Variants in FAM227B observed in about 807,000 individuals in gnomAD.
FAM227B encodes the protein protein FAM227B.
FAM227B carries 88 observed loss-of-function variants against 73.8 expected under a neutral mutation model. That is an observed-to-expected ratio of 1.19 (90% CI 1.00 to 1.42). The LOEUF (loss-of-function observed/expected upper bound fraction) is 1.42. FAM227B is among the 40% of genes most tolerant of loss of function. The pLI, the probability that FAM227B is intolerant of heterozygous loss-of-function variation, is 0.00. For synonymous variants in FAM227B, 210 were observed against 190.5 expected (o/e 1.10, Z -0.84); for missense variants, 632 against 590.9 (o/e 1.07, Z -0.72).
chr15:49,352,072 T>A (rs955736765), intron 13 of FAM227B, among the ~76,000 whole-genome samples: 2 of 152,172 alleles, frequency 1.3e-5, no homozygotes, highest in African/African-American at 4.8e-5. Flanking sequence ...TCCTCATTTA[T>A]GTGTCTGGGG....
At chr15:49,401,365 G>T (rs1186718104) in intron 11 of FAM227B, among the ~76,000 whole-genome samples, 1 of 152,150 alleles carries the variant, frequency 6.6e-6, no homozygotes, top group African/African-American at 2.4e-5. Context: ...GTGCTGGAGA[G>T]GATGTGGAGA....
At chr15:49,333,050 G>A (rs1385285309) in intron 14 of FAM227B, among the ~76,000 whole-genome samples, 1 of 151,964 alleles carries the variant, frequency 6.6e-6, no homozygotes, top group Non-Finnish European at 1.5e-5. Flanking sequence ...GAATCTCCTT[G>A]AACTGCACAG....
chr15:49,550,132 G>A (rs536988756), intron 9 of FAM227B, among the ~76,000 whole-genome samples: 106 of 139,288 alleles, frequency 7.6e-4, no homozygotes, highest in Admixed American at 1.3e-3. Flanking sequence ...CCTCCCTCCC[G>A]GACGGGGCGG....
At position 49,424,504 on chromosome 15, in the gene FAM227B, C is replaced by T. The variant is rs529145599; in HGVS notation, c.1013-53105G>A. ...GAGGGGATATAAGAGTGAGAAGACT[C>T]TTCTGTCGAACACAGTGGTACCTGA... On this transcript the variant is annotated intron_variant, in intron 11 of 15. Coordinates refer to ENST00000299338, the MANE Select transcript of FAM227B (RefSeq NM_152647.3). 23 of 1,613,320 alleles carry T rather than the reference C, an allele frequency of 1.4e-5. No individual in the cohort carries two copies. In the African/African-American group the frequency reaches 1.9e-4, roughly 13 times the overall value.
At chr15:49,432,032 T>C (rs2050667999) in intron 11 of FAM227B, among the ~76,000 whole-genome samples, 2 of 151,918 alleles carry the variant, frequency 1.3e-5, no homozygotes, top group Middle Eastern at 3.4e-3. Flanking sequence ...AAAACTGTAA[T>C]AATCTTTGCT....
intron 11 of FAM227B, among the ~76,000 whole-genome samples, chr15:49,406,598 G>A (rs936674812): frequency 6.6e-6 from 1 of 151,964 alleles, no homozygotes. Flanking sequence ...CTGGCTAGCT[G>A]GCTAAGTGCC....
At chr15:49,475,083 T>G (rs1460751080) in intron 11 of FAM227B, among the ~76,000 whole-genome samples, 1 of 152,148 alleles carries the variant, frequency 6.6e-6, no homozygotes, top group Non-Finnish European at 1.5e-5. Context: ...TCACAAAAGA[T>G]CTATAGAATT....
Position 49,529,454 on chromosome 15 carries a change from T to G in FAM227B, c.874+12226A>C, listed in dbSNP as rs557082990. On this transcript the variant is annotated intron_variant, in intron 10 of 15. Coordinates refer to ENST00000299338, the MANE Select transcript of FAM227B (RefSeq NM_152647.3). ...TATCTATGTAACAAACCTGCACATG[T>G]ACCTGCATCAAAAATAATCTAAAAT... Among the ~76,000 whole-genome samples the G allele has an allele frequency of 3.3e-5, 5 of 151,862 alleles. No individual in the cohort carries two copies. In the East Asian group the frequency reaches 9.6e-4, roughly 29 times the overall value.
chr15:49,596,741 A>C (rs972152115), intron 3 of FAM227B, among the ~76,000 whole-genome samples: 2 of 152,036 alleles, frequency 1.3e-5, no homozygotes, highest in African/African-American at 4.8e-5. Context: ...CCTAACACAT[A>C]AAGACTCACA....
intron 11 of FAM227B, among the ~76,000 whole-genome samples, chr15:49,398,141 G>C (rs2047841146): frequency 1.3e-5 from 2 of 152,090 alleles, no homozygotes; most frequent in Non-Finnish European, 1.5e-5. Context: ...CAAAATAAAA[G>C]GTTGGAGGAA....
chr15:49,365,387 G>A (rs1199939245), intron 13 of FAM227B: 8 of 1,197,342 alleles, frequency 6.7e-6, no homozygotes, highest in Middle Eastern at 1.9e-4. Flanking sequence ...GTATATATAC[G>A]AAGAACCAGT....
At chr15:49,367,257 C>G (rs914840376) in intron 13 of FAM227B, among the ~76,000 whole-genome samples, 191 bp downstream of exon 13, 2 of 152,104 alleles carry the variant, frequency 1.3e-5, no homozygotes, top group African/African-American at 4.8e-5. Flanking sequence ...CATGCAAAAT[C>G]ATAGCATTAG....
chr15:49,577,734 C>A lies in FAM227B; in HGVS notation c.406-70G>T. 4 of 918,676 alleles carry A rather than the reference C, an allele frequency of 4.4e-6. No homozygotes were observed. In the South Asian group the frequency reaches 5.0e-5, roughly 12 times the overall value. The allele number at this position is 918,676 out of a possible 1,614,324, so 56.9% of individuals were successfully genotyped here. The stretch of plus-strand genomic sequence containing the variant: ...AAATTTTACATTTAGTAAATTTGTT[C>A]AGTTAACTAGTATGCATAGATAACT... On this transcript the variant is annotated intron_variant, in intron 5 of 15. Transcript: ENST00000299338.
chr15:49,479,389 T>G (rs972622023), intron 11 of FAM227B, among the ~76,000 whole-genome samples: 1 of 152,124 alleles, frequency 6.6e-6, no homozygotes, highest in African/African-American at 2.4e-5. Context: ...AAACTTCTCT[T>G]AAGCACAAAT....
At chr15:49,611,843 C>A (rs924335468) in intron 2 of FAM227B, among the ~76,000 whole-genome samples, 2 of 152,216 alleles carry the variant, frequency 1.3e-5, no homozygotes, top group Middle Eastern at 3.4e-3. Flanking sequence ...CTTCCTTCTG[C>A]CCAGAAGTCT....
At chr15:49,614,853 G>A in intron 2 of FAM227B, 1 of 380,442 alleles carries the variant, frequency 2.6e-6, no homozygotes. Context: ...TTTCTTCCTT[G>A]CTATATAAAA....
intron 11 of FAM227B, among the ~76,000 whole-genome samples, chr15:49,493,908 G>A (rs549552616): frequency 1.3e-5 from 2 of 151,722 alleles, no homozygotes; most frequent in Non-Finnish European, 2.9e-5. Flanking sequence ...GTGTATGTAT[G>A]TGTGTAGTCA....
intron 9 of FAM227B, among the ~76,000 whole-genome samples, chr15:49,556,568 G>C (rs111742896): frequency 0.01 from 1,540 of 152,306 alleles, 8 homozygotes; most frequent in Non-Finnish European, 0.015. Flanking sequence ...GTTTGCCACT[G>C]CAAGAGCTTT....
chr15:49,554,769 T>C (rs1286823652), intron 9 of FAM227B, among the ~76,000 whole-genome samples: 1 of 152,160 alleles, frequency 6.6e-6, no homozygotes, highest in African/African-American at 2.4e-5. Context: ...CTTGGCCTGA[T>C]TTTTGTTTTT....
Sources: gnomAD v4.1 joint callset for allele counts (sites outside exome capture counted in the v4.1 genomes callset) on GRCh38, gnomAD v4.1.1 for gene constraint, MANE v1.5 for transcripts, NCBI Gene and HGNC (gene_info 2026-07-23, HGNC 2026-07-21) for gene names.